Variants in SDHAF3 observed in about 807,000 individuals in gnomAD.
SDHAF3 encodes succinate dehydrogenase assembly factor 3, mitochondrial.
In SDHAF3, 18 loss-of-function variants were observed where a neutral mutation model predicts 11.5. The observed-to-expected ratio is 1.56, with a 90% CI of 1.08 to 2.32. The LOEUF is 2.32. SDHAF3 is among the 30% of genes most tolerant of loss of function. SDHAF3 has a pLI of 0.00. For missense variants in SDHAF3, 200 were observed against 154.4 expected, an observed-to-expected ratio of 1.30 and a Z score of -1.57; for synonymous variants, 72 against 59.3, an observed-to-expected ratio of 1.21 and a Z score of -0.99.
intron 1 of SDHAF3, among the ~76,000 whole-genome samples, chr7:97,141,577 GC>G (rs1789042282): frequency 6.6e-6 from 1 of 152,036 alleles, no homozygotes; most frequent in Non-Finnish European, 1.5e-5. Context: ...GATATCTGGC[GC>G]CCGATGTGGG....
intron 1 of SDHAF3, chr7:97,136,437 T>A (rs1029690272): frequency 1.5e-6 from 1 of 654,098 alleles, no homozygotes; most frequent in Non-Finnish European, 2.8e-6. Flanking sequence ...AATTTCTGTT[T>A]CATGTGAAGA....
At chr7:97,143,087 A>C (rs1254238843) in intron 1 of SDHAF3, among the ~76,000 whole-genome samples, 3 of 150,936 alleles carry the variant, frequency 2.0e-5, no homozygotes, top group East Asian at 3.9e-4. Flanking sequence ...TTTAGTAGGA[A>C]GTTTCACCAT....
At chr7:97,128,884 C>A (rs1340330016) in intron 1 of SDHAF3, among the ~76,000 whole-genome samples, 1 of 150,860 alleles carries the variant, frequency 6.6e-6, no homozygotes, top group East Asian at 1.9e-4. Flanking sequence ...CTTTTTTTTT[C>A]CTTTGAGATA....
At chr7:97,118,088 C>G (rs1453733073) in intron 1 of SDHAF3, among the ~76,000 whole-genome samples, 191 bp downstream of exon 1, 1 of 152,204 alleles carries the variant, frequency 6.6e-6, no homozygotes, top group African/African-American at 2.4e-5. Flanking sequence ...CCTGTTACTT[C>G]AGCGTCCCCA....
At chr7:97,124,792 C>G (rs1381516922) in intron 1 of SDHAF3, among the ~76,000 whole-genome samples, 1 of 152,128 alleles carries the variant, frequency 6.6e-6, no homozygotes, top group African/African-American at 2.4e-5. Flanking sequence ...ATTTGGCTCT[C>G]TGTTTGTCTA....
chr7:97,181,160 C>A lies in SDHAF3; in HGVS notation c.323C>A (p.Ala108Asp). Residue 108 changes from alanine (A) to aspartate (D), a missense_variant, in exon 2 of 2, where the codon GCC (alanine) becomes GAC (aspartate). Transcript: ENST00000432641. ...IGQLQELMQEATKPNRQFSIS... is the reference protein window; with the variant it reads ...IGQLQELMQEDTKPNRQFSIS... ...CAGTTGCAGGAGCTGATGCAAGAAG[C>A]CACAAAACCCAATAGGCAATTTAGT... The A allele has an allele frequency of 6.2e-7, 1 of 1,613,872 alleles. No homozygotes were observed. The highest frequency in any genetic ancestry group is 8.5e-7 in the Non-Finnish European group (1 of 1,179,904).
At chr7:97,169,544 A>T (rs1789572246) in intron 1 of SDHAF3, among the ~76,000 whole-genome samples, 1 of 152,138 alleles carries the variant, frequency 6.6e-6, no homozygotes, top group South Asian at 2.1e-4. Flanking sequence ...AAACATACTA[A>T]TTTTATTTTC....
chr7:97,156,775 A>T (rs1211336041), intron 1 of SDHAF3, among the ~76,000 whole-genome samples: 3 of 147,212 alleles, frequency 2.0e-5, no homozygotes, highest in South Asian at 2.1e-4. Flanking sequence ...ATATTAATAA[A>T]AAAAATTTCT....
chr7:97,127,967 G>A (rs944817559), intron 1 of SDHAF3, among the ~76,000 whole-genome samples: 7 of 143,440 alleles, frequency 4.9e-5, no homozygotes, highest in South Asian at 2.2e-4. Flanking sequence ...GTGGCACTGC[G>A]TCGGCTCACT....
At chr7:97,143,569 C>A (rs866872384) in intron 1 of SDHAF3, among the ~76,000 whole-genome samples, 102 of 152,154 alleles carry the variant, frequency 6.7e-4, no homozygotes, top group Middle Eastern at 3.4e-3. Flanking sequence ...TTTTTCCATT[C>A]GTGAGTTACG....
intron 1 of SDHAF3, among the ~76,000 whole-genome samples, chr7:97,120,600 A>G (rs1791477225): frequency 6.6e-6 from 1 of 152,000 alleles, no homozygotes; most frequent in African/African-American, 2.4e-5. Flanking sequence ...TGCTCATTAC[A>G]AACTTGGCAC....
intron 1 of SDHAF3, among the ~76,000 whole-genome samples, chr7:97,160,016 A>G (rs1292208170): frequency 1.3e-5 from 2 of 152,226 alleles, no homozygotes; most frequent in African/African-American, 4.8e-5. Context: ...TTTGTTAACA[A>G]TAGGCCAATG....
In SDHAF3 at chr7:97,117,812, T is replaced by G; in HGVS notation, c.89T>G (p.Leu30Arg). The G allele has an allele frequency of 1.2e-6, 2 of 1,614,182 alleles. No individual in the cohort carries two copies. Among genetic ancestry groups the G allele is most frequent in the Non-Finnish European group, 1.7e-6 (2 of 1,180,030 alleles). The change falls in exon 1 of 2, where the codon CTG becomes CGG. Residue 30 changes from leucine (L) to arginine (R), a missense_variant. Physicochemically the swap from Leu to Arg is moderately radical, Grantham distance 102. Coordinates refer to ENST00000432641, the MANE Select transcript of SDHAF3 (RefSeq NM_020186.3). ...GTTCTGCCCCCGGACCTCAAATCCCTGGGCGACCAGTACGTGAAAGACGAA... is the reference window on the plus strand; with the variant it reads ...GTTCTGCCCCCGGACCTCAAATCCCGGGGCGACCAGTACGTGAAAGACGAA... ...HRVLPPDLKSLGDQYVKDEFR... is the reference protein window; with the variant it reads ...HRVLPPDLKSRGDQYVKDEFR...
At chr7:97,161,137 A>G (rs186269104) in intron 1 of SDHAF3, among the ~76,000 whole-genome samples, 1 of 152,322 alleles carries the variant, frequency 6.6e-6, no homozygotes, top group East Asian at 1.9e-4. Flanking sequence ...ACTCAGTCAC[A>G]GTACTCTACA....
intron 1 of SDHAF3, among the ~76,000 whole-genome samples, chr7:97,125,359 A>T (rs777269410): frequency 1.3e-5 from 2 of 152,114 alleles, no homozygotes; most frequent in Non-Finnish European, 1.5e-5. Flanking sequence ...TGATGTGGGC[A>T]TTTAGTGCTA....
At chr7:97,140,770 GTGA>G (rs1444726226) in intron 1 of SDHAF3, among the ~76,000 whole-genome samples, 1 of 152,110 alleles carries the variant, frequency 6.6e-6, no homozygotes, top group Non-Finnish European at 1.5e-5. Flanking sequence ...TCAGGACCCT[GTGA>G]TGATTGCGTT....
intron 1 of SDHAF3, among the ~76,000 whole-genome samples, chr7:97,144,362 C>A (rs1789104344): frequency 6.6e-6 from 1 of 152,030 alleles, no homozygotes; most frequent in South Asian, 2.1e-4. Context: ...ATTGCATTTG[C>A]TTTTGGGTTC....
At chr7:97,142,132 C>T (rs1789059474) in intron 1 of SDHAF3, among the ~76,000 whole-genome samples, 1 of 145,550 alleles carries the variant, frequency 6.9e-6, no homozygotes, top group Non-Finnish European at 1.5e-5. Flanking sequence ...TGGCTCACTC[C>T]AACCTCTGCC....
chr7:97,132,371 C>G (rs530091985), intron 1 of SDHAF3, among the ~76,000 whole-genome samples: 1 of 152,158 alleles, frequency 6.6e-6, no homozygotes, highest in South Asian at 2.1e-4. Flanking sequence ...CAAAATGTAT[C>G]TAAGTATTTC....
Sources: allele counts gnomAD v4.1 joint callset (sites outside exome capture counted in the v4.1 genomes callset), GRCh38; gene constraint gnomAD v4.1.1; transcripts MANE v1.5; gene names NCBI Gene and HGNC (gene_info 2026-07-23, HGNC 2026-07-21).